The following FHOD3 variants were observed in gnomAD, a reference collection of about 807,000 sequenced individuals.
The protein encoded by FHOD3 is formin homology 2 domain containing 3, also known as FH1/FH2 domain-containing protein 3.
Under a neutral mutation model 173.0 loss-of-function variants are expected in FHOD3, and 90 were observed. The observed-to-expected ratio is 0.52, with a 90% confidence interval of 0.44 to 0.62. FHOD3 has a LOEUF of 0.62. FHOD3 is among the 20% of genes least tolerant of loss of function. The pLI is 0.00. For synonymous variants in FHOD3, 828 were observed against 823.0 expected (o/e 1.01, Z -0.10); for missense variants, 1,945 against 2,034.7 (o/e 0.96, Z 0.85).
intron 3 of FHOD3, among the ~76,000 whole-genome samples, chr18:36,403,767 C>T (rs1227786398): frequency 6.6e-6 from 1 of 152,190 alleles, no homozygotes; most frequent in African/African-American, 2.4e-5. Flanking sequence ...ATTGGGATAC[C>T]TGAGCAATTT....
chr18:36,597,450 G>C (rs1599808516), intron 7 of FHOD3, among the ~76,000 whole-genome samples: 1 of 152,154 alleles, frequency 6.6e-6, no homozygotes, highest in South Asian at 2.1e-4. Context: ...TTTTTGAGAT[G>C]GAGTCTCACT....
rs938424070 is a variant in FHOD3, at chr18:36,534,458, T to C, written c.511+21915T>C. ...AGGCTGACTGGCAGAGGTGGGACTA[T>C]TTTCTTTTATTTTATTTATTTATTT... On this transcript the variant is annotated intron_variant, in intron 5 of 28. Coordinates refer to ENST00000590592, the MANE Select transcript of FHOD3 (RefSeq NM_001281740.3). Among the ~76,000 whole-genome samples, 4 of 151,960 alleles carry C rather than the reference T, an allele frequency of 2.6e-5. 1 individual carries two copies. Among genetic ancestry groups the C allele is most frequent in the Non-Finnish European group, 4.4e-5 (3 of 67,986 alleles).
chr18:36,522,602 G>A (rs1267963463), intron 5 of FHOD3, among the ~76,000 whole-genome samples: 3 of 152,236 alleles, frequency 2.0e-5, no homozygotes, highest in Non-Finnish European at 4.4e-5. Context: ...TAGATGGACT[G>A]TGGATTTCTT....
chr18:36,354,379 C>T (rs140321957), intron 1 of FHOD3, among the ~76,000 whole-genome samples: 6 of 152,218 alleles, frequency 3.9e-5, no homozygotes, highest in East Asian at 3.9e-4. Flanking sequence ...GAGGAGGACT[C>T]ATTTTACAGA....
intron 20 of FHOD3, among the ~76,000 whole-genome samples, chr18:36,733,055 G>A (rs532465680): frequency 6.6e-5 from 10 of 152,194 alleles, no homozygotes; most frequent in Non-Finnish European, 1.2e-4. Flanking sequence ...CGACCTCCCA[G>A]TAGAGAGCAA....
chr18:36,577,102 A>AG (rs2058683167), intron 6 of FHOD3, among the ~76,000 whole-genome samples: 2 of 152,050 alleles, frequency 1.3e-5, no homozygotes, highest in Admixed American at 6.6e-5. Context: ...CAAAAAAAAA[A>AG]AAAAGTTATA....
At chr18:36,447,718 A>T (rs191463729) in intron 3 of FHOD3, among the ~76,000 whole-genome samples, 1 of 152,380 alleles carries the variant, frequency 6.6e-6, no homozygotes, top group Admixed American at 6.5e-5. Context: ...TCTGAAAGCA[A>T]CCGTAATGTT....
intron 5 of FHOD3, among the ~76,000 whole-genome samples, chr18:36,558,603 C>T (rs575302034): frequency 6.6e-6 from 1 of 152,260 alleles, no homozygotes; most frequent in Admixed American, 6.5e-5. Flanking sequence ...ACAGATGTTA[C>T]ATACACAACA....
chr18:36,688,963 TGCCCATCA>T (rs1372605307), intron 16 of FHOD3, among the ~76,000 whole-genome samples: 13 of 152,344 alleles, frequency 8.5e-5, no homozygotes, highest in African/African-American at 2.6e-4. Flanking sequence ...GCTCCCAGGC[TGCCCATCA>T]GCCTGGACAC....
At chr18:36,426,065 C>T (rs2860881) in intron 3 of FHOD3, among the ~76,000 whole-genome samples, 3,727 of 114,224 alleles carry the variant, frequency 0.033, 159 homozygotes, top group African/African-American at 0.12. Flanking sequence ...CCACCATGCC[C>T]GGCTAATTTT....
At chr18:36,675,224 C>T (rs1172206141) in intron 14 of FHOD3, among the ~76,000 whole-genome samples, 1 of 152,190 alleles carries the variant, frequency 6.6e-6, no homozygotes, top group East Asian at 1.9e-4. Flanking sequence ...CCTGGCCATG[C>T]AAGTTCTTAG....
intron 15 of FHOD3, among the ~76,000 whole-genome samples, chr18:36,686,507 A>AGAGCATCAG (rs1480038528): frequency 1.3e-5 from 2 of 151,360 alleles, no homozygotes; most frequent in Non-Finnish European, 2.9e-5. Flanking sequence ...TTGGGGAGGG[A>AGAGCATCAG]GAGCATCAGG....
intron 1 of FHOD3, among the ~76,000 whole-genome samples, chr18:36,340,259 G>A (rs146059260): frequency 1.3e-5 from 2 of 152,272 alleles, no homozygotes; most frequent in East Asian, 1.9e-4. Context: ...TTTTAAGTGC[G>A]TGAATTTGGT....
At chr18:36,471,117 G>T (rs1159386711) in intron 3 of FHOD3, among the ~76,000 whole-genome samples, 1 of 152,196 alleles carries the variant, frequency 6.6e-6, no homozygotes, top group African/African-American at 2.4e-5. Context: ...AAGGCAGCGG[G>T]TATGCGCTTT....
At chr18:36,302,751 A>G (rs1457403352) in intron 1 of FHOD3, among the ~76,000 whole-genome samples, 1 of 152,274 alleles carries the variant, frequency 6.6e-6, no homozygotes, top group Non-Finnish European at 1.5e-5. Context: ...GATTTTTAAA[A>G]GATGAGATCA....
chr18:36,660,045 C>G (rs2036680655), intron 14 of FHOD3, among the ~76,000 whole-genome samples: 1 of 152,096 alleles, frequency 6.6e-6, no homozygotes, highest in Non-Finnish European at 1.5e-5. Context: ...CCGAGGTGGG[C>G]AGATCACGAG....
chr18:36,560,365 A>G (rs1362754373), intron 5 of FHOD3, among the ~76,000 whole-genome samples: 4 of 152,234 alleles, frequency 2.6e-5, no homozygotes, highest in South Asian at 2.1e-4. Context: ...GTGAAATTTA[A>G]GTACCAGAGG....
chr18:36,597,625 A>C (rs1382104538), intron 7 of FHOD3, among the ~76,000 whole-genome samples: 2 of 151,970 alleles, frequency 1.3e-5, no homozygotes, highest in Non-Finnish European at 2.9e-5. Flanking sequence ...ATGGGCTTTC[A>C]CCGTTTTAGC....
intron 3 of FHOD3, among the ~76,000 whole-genome samples, chr18:36,485,572 T>G (rs559429842): frequency 3.1e-4 from 47 of 152,328 alleles, no homozygotes; most frequent in African/African-American, 1.1e-3. Flanking sequence ...TAGACCCCAA[T>G]GAAGTACCAG....
Sources: gnomAD v4.1 joint callset for allele counts (sites outside exome capture counted in the v4.1 genomes callset) on GRCh38, gnomAD v4.1.1 for gene constraint, MANE v1.5 for transcripts, NCBI Gene and HGNC (gene_info 2026-07-23, HGNC 2026-07-21) for gene names.